Variants in XYLT1 observed in about 807,000 individuals in gnomAD.
The protein encoded by XYLT1 is beta-D-xylosyltransferase 1.
A neutral mutation model predicts 91.3 loss-of-function variants in XYLT1; 36 were observed. The ratio of observed to expected loss-of-function variants is 0.39; its 90% confidence interval spans 0.30 to 0.52. The LOEUF (loss-of-function observed/expected upper bound fraction) is 0.52. Among genes scored for constraint, XYLT1 ranks in the 20% least tolerant of loss-of-function variants. XYLT1 has a pLI of 0.68. For missense variants in XYLT1, 1,242 were observed against 1,284.5 expected (o/e 0.97, Z 0.51); for synonymous variants, 588 against 532.0 (o/e 1.11, Z -1.45).
chr16:17,138,545 A>AGG lies in XYLT1; in HGVS notation c.1588-16_1588-15dup, dbSNP rs761970455. ...ATGGAAGAAGGACTGCAGGGGAGAG[A>AGG]GGGACCCAGCCTGAGACCTCTCCCA... On this transcript the variant is annotated splice_polypyrimidine_tract_variant and intron_variant, in intron 7 of 11. Coordinates refer to ENST00000261381, the MANE Select transcript of XYLT1 (RefSeq NM_022166.4). 1.1e-5 allele frequency: 17 copies of AGG among 1,611,134 alleles called. No individual in the cohort carries two copies. The highest frequency in any genetic ancestry group is 1.4e-5 in the Non-Finnish European group (17 of 1,177,652).
chr16:17,205,602 A>T (rs1187603199), intron 3 of XYLT1, among the ~76,000 whole-genome samples: 1 of 152,226 alleles, frequency 6.6e-6, no homozygotes, highest in Non-Finnish European at 1.5e-5. Flanking sequence ...TTATACTGTC[A>T]TAGCCATCAT....
chr16:17,404,312 C>T (rs1388895001), intron 1 of XYLT1, among the ~76,000 whole-genome samples: 1 of 152,140 alleles, frequency 6.6e-6, no homozygotes, highest in African/African-American at 2.4e-5. Context: ...GAGAAAACAC[C>T]AACACAATTC....
At chr16:17,113,289 C>T (rs186956472) in intron 11 of XYLT1, among the ~76,000 whole-genome samples, 67 of 151,696 alleles carry the variant, frequency 4.4e-4, no homozygotes, top group Middle Eastern at 3.4e-3. Flanking sequence ...TTTCAGGCAC[C>T]CGTCACCATG....
intron 3 of XYLT1, among the ~76,000 whole-genome samples, chr16:17,205,332 C>CA (rs1437830839): frequency 6.6e-6 from 1 of 152,198 alleles, no homozygotes; most frequent in Non-Finnish European, 1.5e-5. Flanking sequence ...CATGCTGTTC[C>CA]ACTGTTGTGG....
At chr16:17,247,980 C>T (rs373717805) in intron 3 of XYLT1, among the ~76,000 whole-genome samples, 1 of 152,282 alleles carries the variant, frequency 6.6e-6, no homozygotes, top group East Asian at 1.9e-4. Flanking sequence ...GATGTGAGAC[C>T]TGCCCCCCAG....
chr16:17,334,882 CA>C (rs2034955579), intron 2 of XYLT1, among the ~76,000 whole-genome samples: 1 of 150,586 alleles, frequency 6.6e-6, no homozygotes, highest in South Asian at 2.1e-4. Flanking sequence ...GACTCCATCT[CA>C]AAAAACAAAA....
intron 1 of XYLT1, among the ~76,000 whole-genome samples, chr16:17,407,563 G>A (rs1338881408): frequency 2.0e-5 from 3 of 152,208 alleles, no homozygotes; most frequent in Non-Finnish European, 4.4e-5. Context: ...CATGTGCTGG[G>A]ATTATAGGCA....
At chr16:17,395,881 G>C (rs1243741321) in intron 1 of XYLT1, among the ~76,000 whole-genome samples, 1 of 152,168 alleles carries the variant, frequency 6.6e-6, no homozygotes, top group African/African-American at 2.4e-5. Flanking sequence ...GTTGGTTGGT[G>C]AACAGCAGAC....
chr16:17,160,052 T>C (rs1205446652), intron 5 of XYLT1, among the ~76,000 whole-genome samples: 1 of 152,232 alleles, frequency 6.6e-6, no homozygotes, highest in Non-Finnish European at 1.5e-5. Context: ...TAATAGAAGC[T>C]AGACCTTCGA....
At chr16:17,112,197 A>G (rs1239614407) in intron 11 of XYLT1, among the ~76,000 whole-genome samples, 1 of 152,222 alleles carries the variant, frequency 6.6e-6, no homozygotes, top group Non-Finnish European at 1.5e-5. Flanking sequence ...GCTCGTCTCT[A>G]TAATTAAATT....
chr16:17,134,366 GGCATT>G, intron 9 of XYLT1, 102 bp downstream of exon 9: 1 of 1,405,010 alleles, frequency 7.1e-7, no homozygotes, highest in Non-Finnish European at 9.7e-7. Context: ...AGCATAGGGT[GGCATT>G]GCATTGCAGA....
At chr16:17,316,185 A>C (rs1329296790) in intron 2 of XYLT1, among the ~76,000 whole-genome samples, 1 of 152,200 alleles carries the variant, frequency 6.6e-6, no homozygotes, top group Non-Finnish European at 1.5e-5. Context: ...ACAGGAAATT[A>C]AGCTTATTGA....
In XYLT1 at chr16:17,232,285, T is replaced by C. The variant is rs191213940; in HGVS notation, c.913+26703A>G. On this transcript the variant is annotated intron_variant, in intron 3 of 11. Transcript: ENST00000261381. The stretch of plus-strand genomic sequence containing the variant: ...ATTATTATAATCTATTATAATAAGA[T>C]TATAATATCTATATCTATAATAGAT... Among the ~76,000 whole-genome samples the C allele has an allele frequency of 9.5e-3, 1,367 of 144,066 alleles. 18 individuals carry two copies. The highest frequency in any genetic ancestry group is 0.032 in the African/African-American group (1,271 of 39,436). 94.5% of individuals were successfully genotyped at this position (144,066 alleles called of 152,430 possible).
intron 1 of XYLT1, among the ~76,000 whole-genome samples, chr16:17,421,091 CTTA>C (rs2036246109): frequency 6.6e-6 from 1 of 152,150 alleles, no homozygotes; most frequent in Admixed American, 6.5e-5. Context: ...GCTTGTTTAC[CTTA>C]TTAGAGTAAC....
intron 6 of XYLT1, among the ~76,000 whole-genome samples, chr16:17,150,015 C>CA (rs2031243786): frequency 6.6e-6 from 1 of 152,144 alleles, no homozygotes; most frequent in South Asian, 2.1e-4. Flanking sequence ...GTACATAGGA[C>CA]ACCTCCACAG....
chr16:17,208,405 G>A (rs1206737278), intron 3 of XYLT1, among the ~76,000 whole-genome samples: 1 of 151,886 alleles, frequency 6.6e-6, no homozygotes, highest in Non-Finnish European at 1.5e-5. Context: ...GAAATGCCTG[G>A]AACCAGAAGT....
intron 1 of XYLT1, chr16:17,403,647 G>C (rs568228758): frequency 1.3e-5 from 2 of 152,130 alleles, no homozygotes; most frequent in African/African-American, 4.8e-5. Context: ...CTCCCACCGG[G>C]TCCCTCCCAC....
At position 17,217,258 on chromosome 16, in the gene XYLT1, C is replaced by T. The variant is rs561953851; in HGVS notation, c.914-16604G>A. The stretch of plus-strand genomic sequence containing the variant: ...GAGAAAACCAAGGAGGACCTCGTTT[C>T]GAACTCTGTTCTAGCTTCACTTCTT... On this transcript the variant is annotated intron_variant, in intron 3 of 11. Transcript: ENST00000261381. Among the ~76,000 whole-genome samples the T allele has an allele frequency of 8.5e-5, 13 of 152,228 alleles. No individual in the cohort carries two copies. The East Asian group carries it at 2.1e-3, about 25-fold the overall frequency.
At chr16:17,156,436 G>A (rs538567397) in intron 6 of XYLT1, among the ~76,000 whole-genome samples, 2 of 152,224 alleles carry the variant, frequency 1.3e-5, no homozygotes, top group Non-Finnish European at 1.5e-5. Flanking sequence ...ACCTGAGGGC[G>A]AGGAATACCA....
Sources: gnomAD v4.1 joint callset for allele counts (sites outside exome capture counted in the v4.1 genomes callset) on GRCh38, gnomAD v4.1.1 for gene constraint, MANE v1.5 for transcripts, NCBI Gene and HGNC (gene_info 2026-07-23, HGNC 2026-07-21) for gene names.